Variants in GRSF1 observed in about 807,000 individuals in gnomAD.
The protein encoded by GRSF1 is G-rich RNA sequence binding factor 1.
GRSF1 carries 50 observed loss-of-function variants against 51.1 expected under a neutral mutation model. That is an observed-to-expected ratio of 0.98 (90% confidence interval 0.78 to 1.24). The LOEUF is 1.24. Among genes scored for constraint, GRSF1 ranks in the 50% most tolerant of loss-of-function variants. GRSF1 has a pLI of 0.00. For missense variants in GRSF1, 700 were observed against 639.7 expected (o/e 1.09, Z -1.02); for synonymous variants, 293 against 253.3 (o/e 1.16, Z -1.49).
intron 5 of GRSF1, among the ~76,000 whole-genome samples, chr4:70,829,329 T>A (rs964860167): frequency 3.5e-5 from 5 of 142,970 alleles, no homozygotes; most frequent in African/African-American, 1.3e-4. Context: ...TGAGACACCA[T>A]CTCTACAAAA....
chr4:70,835,240 G>C (rs2148845941), intron 2 of GRSF1, among the ~76,000 whole-genome samples: 1 of 151,102 alleles, frequency 6.6e-6, no homozygotes, highest in South Asian at 2.1e-4. Context: ...TCAGGAGATT[G>C]AGATCATCCT....
Position 70,826,142 on chromosome 4 carries a change from AT to A in GRSF1, c.1238del (p.Asn413MetfsTer6). On this transcript the variant is annotated frameshift_variant, in exon 7 of 10. Transcript: ENST00000254799. LOFTEE classifies it high-confidence loss of function. ...VHMRGLPFQA[N>X]AQDIINFFAP... is the part of the protein sequence containing the mutation. ...CACACACGTTTATAATGTCTTGGGC[AT>A]TGGCTTGGAAAGGTAATCCTCTCAT... The A allele has an allele frequency of 6.2e-7, 1 of 1,611,390 alleles. No individual in the cohort carries two copies. Among genetic ancestry groups the A allele is most frequent in the Non-Finnish European group, 8.5e-7 (1 of 1,178,430 alleles).
At position 70,832,346 on chromosome 4, in the gene GRSF1, A is replaced by G. The variant is rs1734013752; in HGVS notation, c.775T>C (p.Tyr259His). The change falls in exon 4 of 10, where the codon TAT becomes CAT. Residue 259 changes from tyrosine to histidine, a missense_variant. Physicochemically the swap from Tyr to His is moderately conservative, Grantham distance 83. Transcript: ENST00000254799. ...DGVVRLRGLP[Y>H]SCNEKDIVDF... ...ACAATGTCTTTCTCATTGCAACTAT[A>G]AGGAAGTCCTCTCAAACGAACCACA... 3.7e-6 allele frequency: 6 copies of G among 1,613,456 alleles called. No homozygotes were observed. Among genetic ancestry groups the G allele is most frequent in the Non-Finnish European group, 5.1e-6 (6 of 1,179,552 alleles).
upstream of GRSF1, among the ~76,000 whole-genome samples, chr4:70,840,583 T>C (rs1234127286): frequency 6.6e-6 from 1 of 151,858 alleles, no homozygotes; most frequent in Admixed American, 6.6e-5. Flanking sequence ...GCCAACATGG[T>C]GAAACTGTGT....
upstream of GRSF1, among the ~76,000 whole-genome samples, chr4:70,840,803 T>C (rs1322615988): frequency 6.6e-6 from 1 of 152,124 alleles, no homozygotes; most frequent in African/African-American, 2.4e-5. Context: ...GCCATCCTGC[T>C]CTGGGTAGGG....
intron 1 of GRSF1, among the ~76,000 whole-genome samples, chr4:70,838,004 G>A (rs1734286373): frequency 1.3e-5 from 2 of 151,664 alleles, no homozygotes; most frequent in Admixed American, 1.3e-4. Context: ...GGCAGAGGCG[G>A]GCGGATCACG....
At chr4:70,838,304 A>G (rs1245872165) in intron 1 of GRSF1, among the ~76,000 whole-genome samples, 1 of 151,980 alleles carries the variant, frequency 6.6e-6, no homozygotes, top group South Asian at 2.1e-4. Flanking sequence ...TGCTCTACAG[A>G]TATCACCGCA....
At chr4:70,828,832 G>A (rs892807603) in intron 5 of GRSF1, among the ~76,000 whole-genome samples, 1 of 151,726 alleles carries the variant, frequency 6.6e-6, no homozygotes, top group Non-Finnish European at 1.5e-5. Flanking sequence ...CTGCCTCCTG[G>A]GTTCAAGCAG....
chr4:70,823,978 T>TTTTC (rs1479734718), intron 9 of GRSF1, among the ~76,000 whole-genome samples: 2 of 134,544 alleles, frequency 1.5e-5, no homozygotes, highest in African/African-American at 2.6e-5. Flanking sequence ...ATCTCTCTCT[T>TTTTC]TTTTTTTTTT....
intron 9 of GRSF1, among the ~76,000 whole-genome samples, chr4:70,822,397 A>G (rs547936167): frequency 1.1e-4 from 17 of 152,020 alleles, no homozygotes; most frequent in African/African-American, 3.9e-4. Context: ...AGCCTGGCCA[A>G]CATGGTGAAA....
At chr4:70,826,061 AC>A in intron 7 of GRSF1, 62 bp downstream of exon 7, 1 of 1,401,442 alleles carries the variant, frequency 7.1e-7, no homozygotes, top group Non-Finnish European at 9.9e-7. Context: ...CCAAATTAAT[AC>A]AAGTTCAATT....
At chr4:70,821,426 A>AAACT (rs138753843) in intron 9 of GRSF1, among the ~76,000 whole-genome samples, 1 of 150,002 alleles carries the variant, frequency 6.7e-6, no homozygotes, top group Non-Finnish European at 1.5e-5. Flanking sequence ...TCCGTCTCAA[A>AAACT]AAATAAATAA....
intron 6 of GRSF1, among the ~76,000 whole-genome samples, chr4:70,827,442 A>G (rs1315367288): frequency 1.3e-5 from 2 of 152,170 alleles, no homozygotes; most frequent in Non-Finnish European, 2.9e-5. Flanking sequence ...TTAAAAACCT[A>G]GCAAAATAAT....
chr4:70,821,904 G>A (rs919300870), intron 9 of GRSF1, among the ~76,000 whole-genome samples: 39 of 152,126 alleles, frequency 2.6e-4, no homozygotes, highest in Middle Eastern at 3.4e-3. Flanking sequence ...TCAAACTCCT[G>A]ACCTCAGGTG....
chr4:70,827,768 A>T, intron 6 of GRSF1, 84 bp downstream of exon 6: 15 of 900,976 alleles, frequency 1.7e-5, no homozygotes, highest in Non-Finnish European at 2.6e-5. Flanking sequence ...ACAGAGCGAG[A>T]CTTCATCTCA....
chr4:70,826,602 G>A (rs1733747101), intron 6 of GRSF1, among the ~76,000 whole-genome samples: 1 of 151,410 alleles, frequency 6.6e-6, no homozygotes, highest in Non-Finnish European at 1.5e-5. Flanking sequence ...CACTTTGGAA[G>A]GCTGAAGCAG....
chr4:70,831,658 G>C lies in GRSF1; in HGVS notation c.831C>G (p.Asp277Glu), dbSNP rs757537493. The C allele has an allele frequency of 1.1e-5, 17 of 1,612,914 alleles. No individual in the cohort carries two copies. The highest frequency in any genetic ancestry group is 1.4e-5 in the Non-Finnish European group (16 of 1,179,468). ...CTCTATAGTCCATCACAAAAGTAAT[G>C]TCAACTATATTCAGTCCTAGGACAC... The part of the protein sequence containing the change: ...VDFFAGLNIV[D>E]ITFVMDYRGR... The change falls in exon 5 of 10, where the codon GAC (aspartate) becomes GAG (glutamate). Residue 277 changes from aspartate to glutamate, a missense_variant. Transcript: ENST00000254799.
At position 70,818,263 on chromosome 4, in the gene GRSF1, T is replaced by C. The variant is rs1733382746; in HGVS notation, c.*2624A>G. On this transcript the variant is annotated 3_prime_UTR_variant, in exon 10 of 10. Coordinates refer to ENST00000254799, the MANE Select transcript of GRSF1 (RefSeq NM_002092.4). ...GTTGGCCAGGCTAATCTTGAACTCC[T>C]GACCTCAAGTGACCCACCATGGAGG... The C allele has an allele frequency of 6.6e-6, 1 of 152,244 alleles. No homozygotes were observed. The highest frequency in any genetic ancestry group is 2.1e-4 in the South Asian group (1 of 4,832). 9.4% of individuals were successfully genotyped at this position (152,244 alleles called of 1,614,324 possible).
At chr4:70,836,823 G>A (rs1224194226) in intron 1 of GRSF1, among the ~76,000 whole-genome samples, 1 of 152,206 alleles carries the variant, frequency 6.6e-6, no homozygotes, top group Non-Finnish European at 1.5e-5. Context: ...GAATTTTTAT[G>A]AGGATATAAA....
Sources: allele counts gnomAD v4.1 joint callset (sites outside exome capture counted in the v4.1 genomes callset), GRCh38; gene constraint gnomAD v4.1.1; transcripts MANE v1.5; gene names NCBI Gene and HGNC (gene_info 2026-07-23, HGNC 2026-07-21).